Variants in TANGO6 observed in about 807,000 individuals in gnomAD.
The protein encoded by TANGO6 is transport and golgi organization 6 homolog.
A neutral mutation model predicts 114.2 loss-of-function variants in TANGO6; 90 were observed. The ratio of observed to expected loss-of-function variants is 0.79; its 90% confidence interval spans 0.66 to 0.94. TANGO6 has a LOEUF of 0.94. Among genes scored for constraint, TANGO6 ranks in the 40% least tolerant of loss-of-function variants. The pLI, the probability that TANGO6 is intolerant of heterozygous loss-of-function variation, is 0.00. For missense variants in TANGO6, 1,274 were observed against 1,315.3 expected (o/e 0.97, Z 0.49); for synonymous variants, 477 against 509.8 (o/e 0.94, Z 0.87).
chr16:68,897,202 C>T (rs902323873), intron 7 of TANGO6, among the ~76,000 whole-genome samples: 1 of 152,134 alleles, frequency 6.6e-6, no homozygotes, highest in African/African-American at 2.4e-5. Context: ...CTGTGCCCAG[C>T]TGATAAGTGC....
At chr16:68,995,823 C>T (rs1963984948) in intron 15 of TANGO6, among the ~76,000 whole-genome samples, 1 of 152,190 alleles carries the variant, frequency 6.6e-6, no homozygotes, top group African/African-American at 2.4e-5. Flanking sequence ...GTGGGGCAAT[C>T]AGTTGGCTGC....
At chr16:68,855,563 C>G (rs1961974716) in intron 1 of TANGO6, among the ~76,000 whole-genome samples, 1 of 148,474 alleles carries the variant, frequency 6.7e-6, no homozygotes, top group East Asian at 2.0e-4. Context: ...GCCTGGGAGA[C>G]AAAACAAAAC....
intron 17 of TANGO6, among the ~76,000 whole-genome samples, chr16:69,070,742 ATCAATAT>A (rs1459883626): frequency 7.7e-6 from 1 of 129,688 alleles, no homozygotes; most frequent in Non-Finnish European, 1.6e-5. Flanking sequence ...GTTTGCAAGA[ATCAATAT>A]TATTATTATT....
At chr16:68,961,207 A>G (rs570662605) in intron 14 of TANGO6, among the ~76,000 whole-genome samples, 40 of 152,284 alleles carry the variant, frequency 2.6e-4, no homozygotes, top group African/African-American at 8.2e-4. Context: ...CTGACCTTAT[A>G]TACTTGAAAC....
rs1002901630 is a variant in TANGO6, at chr16:68,881,514, CA to C, written c.1377+887del. 8.9e-5 allele frequency among the ~76,000 whole-genome samples: 13 copies of C among 146,292 alleles called. 1 individual carries two copies. Among genetic ancestry groups the C allele is most frequent in the Admixed American group, 8.3e-4 (12 of 14,524 alleles). ...GGGGGATAGAGCGAGACTCTGTCTC[CA>C]AACAAACAAACAAAAAAAGAAATTG... On this transcript the variant is annotated intron_variant, in intron 7 of 17. Transcript: ENST00000261778.
In TANGO6 at chr16:68,860,556, G is replaced by T. The variant is rs778958767; in HGVS notation, c.735+32G>T. The T allele has an allele frequency of 2.5e-6, 4 of 1,576,514 alleles. No homozygotes were observed. The African/African-American group carries it at 5.4e-5, about 21-fold the overall frequency. On this transcript the variant is annotated intron_variant, in intron 2 of 17. Coordinates refer to ENST00000261778, the MANE Select transcript of TANGO6 (RefSeq NM_024562.2). ...ATACATTGAGAAAGAGAGAGGGAGA[G>T]ATTGTGTGTGTATGAATGTGTGTAT...
intron 17 of TANGO6, among the ~76,000 whole-genome samples, chr16:69,066,317 T>C (rs1960212601): frequency 6.6e-6 from 1 of 152,088 alleles, no homozygotes. Flanking sequence ...TATTTTGAGA[T>C]GGCGTCTCGC....
intron 11 of TANGO6, among the ~76,000 whole-genome samples, chr16:68,915,556 G>T (rs1201324105): frequency 6.6e-6 from 1 of 152,204 alleles, no homozygotes; most frequent in Non-Finnish European, 1.5e-5. Context: ...TAGCCACTGT[G>T]CCCAGCTAAG....
chr16:68,985,843 G>A (rs1164685318), intron 15 of TANGO6, among the ~76,000 whole-genome samples: 1 of 152,222 alleles, frequency 6.6e-6, no homozygotes, highest in Non-Finnish European at 1.5e-5. Context: ...CATGGCTTCA[G>A]ACTAAATGTT....
rs767643950 is a variant in TANGO6, at chr16:68,900,440, G to A, written c.1384G>A (p.Val462Met). 7 of 1,613,722 alleles carry A rather than the reference G, an allele frequency of 4.3e-6. No individual in the cohort carries two copies. The highest frequency in any genetic ancestry group is 1.7e-5 in the Admixed American group (1 of 59,980). ...ACCATTTCCTTTTTTCTAGGTGTAC[G>A]TGGTTGGGAATGAACCTTTAACAGT... ...RCIEDVFKVY[V>M]VGNEPLTVLM... Residue 462 changes from valine (V) to methionine (M), a missense_variant, in exon 8 of 18, where the codon GTG becomes ATG. Val to Met is a conservative substitution (Grantham distance 21). Transcript: ENST00000261778.
intron 4 of TANGO6, 119 bp downstream of exon 4, chr16:68,867,339 T>C: frequency 7.6e-7 from 1 of 1,313,106 alleles, no homozygotes; most frequent in Non-Finnish European, 1.1e-6. Flanking sequence ...AACTCCATCC[T>C]TGCAGGGATT....
intron 4 of TANGO6, among the ~76,000 whole-genome samples, chr16:68,870,245 G>A (rs940353319): frequency 6.6e-6 from 1 of 152,136 alleles, no homozygotes; most frequent in Admixed American, 6.6e-5. Flanking sequence ...AAAACTTAAC[G>A]AAGGGCTGGA....
chr16:68,964,077 T>C (rs760128216), intron 14 of TANGO6, among the ~76,000 whole-genome samples: 28 of 152,052 alleles, frequency 1.8e-4, no homozygotes, highest in Non-Finnish European at 2.5e-4. Flanking sequence ...TTTGTTAAAA[T>C]GTTTTAAACA....
At chr16:68,915,068 G>A (rs1962982330) in intron 11 of TANGO6, among the ~76,000 whole-genome samples, 1 of 150,794 alleles carries the variant, frequency 6.6e-6, no homozygotes, top group South Asian at 2.1e-4. Context: ...AGGCTACTCG[G>A]GAGGCTGAGG....
intron 8 of TANGO6, among the ~76,000 whole-genome samples, chr16:68,901,734 C>G (rs1356530144): frequency 1.3e-5 from 2 of 152,112 alleles, no homozygotes; most frequent in African/African-American, 4.8e-5. Context: ...GTGATCCACC[C>G]ACCTCAGCCT....
rs377446910 is a variant in TANGO6 at position 68,860,366 on chromosome 16, C to G, written c.577C>G (p.Arg193Gly). Residue 193 changes from arginine to glycine, a missense_variant, in exon 2 of 18, where the codon CGA becomes GGA. Arg to Gly is a moderately radical substitution (Grantham distance 125). This residue lies in a region of TANGO6 where 908 missense variants were observed against 910.2 expected (regional missense o/e 1.00). Coordinates refer to ENST00000261778, the MANE Select transcript of TANGO6 (RefSeq NM_024562.2). ...TTTTGATGCTGCCCCCGATGCAACT[C>G]GAAGACTGTACACCAGCTGCAAGGC... Reference protein sequence around the residue: ...VCFDAAPDATRRLYTSCKALL... With the variant: ...VCFDAAPDATGRLYTSCKALL... 6.2e-7 allele frequency: 1 copy of G among 1,613,982 alleles called. No homozygotes were observed. The highest frequency in any genetic ancestry group is 8.5e-7 in the Non-Finnish European group (1 of 1,179,896).
At position 68,863,268 on chromosome 16, in the gene TANGO6, G is replaced by A. The variant is rs1465341425; in HGVS notation, c.852+207G>A. 8.1e-6 allele frequency: 3 copies of A among 372,426 alleles called. No homozygotes were observed. The East Asian group carries it at 1.3e-4, about 16-fold the overall frequency. The allele number at this position is 372,426 out of a possible 1,614,324, so 23.1% of individuals were successfully genotyped here. A position where few individuals can be genotyped will look rare whatever the true frequency, so the allele number is the denominator to read the frequency against. On this transcript the variant is annotated intron_variant, in intron 3 of 17. Coordinates refer to ENST00000261778, the MANE Select transcript of TANGO6 (RefSeq NM_024562.2). ...TAAAAGACCTTTTCTCTAATGAAAT[G>A]ATGGACACTTTTCCCAAGAATATTA...
At chr16:69,020,942 G>GTGTGTGTGTGTGTGTGGT (rs962235474) in intron 15 of TANGO6, among the ~76,000 whole-genome samples, 2 of 126,650 alleles carry the variant, frequency 1.6e-5, no homozygotes, top group African/African-American at 6.6e-5. Context: ...GTGTGTGTGT[G>GTGTGTGTGTGTGTGTGGT]GTGTGTGTGT....
At chr16:69,028,383 A>C (rs919504406) in intron 16 of TANGO6, among the ~76,000 whole-genome samples, 2 of 152,000 alleles carry the variant, frequency 1.3e-5, no homozygotes, top group African/African-American at 4.8e-5. Flanking sequence ...TAATCTCAGC[A>C]CTTTGGGAGG....
Sources: allele counts gnomAD v4.1 joint callset (sites outside exome capture counted in the v4.1 genomes callset), GRCh38; gene constraint gnomAD v4.1.1; regional missense constraint gnomAD v4.1.1; transcripts MANE v1.5; gene names NCBI Gene and HGNC (gene_info 2026-07-23, HGNC 2026-07-21).